The following SUGCT variants were observed in gnomAD, a reference collection of about 807,000 sequenced individuals.
SUGCT encodes succinyl-CoA:glutarate-CoA transferase, also known as succinyl-CoA:glutarate CoA-transferase.
A neutral mutation model predicts 55.0 loss-of-function variants in SUGCT; 41 were observed. The ratio of observed to expected loss-of-function variants is 0.74; its 90% CI spans 0.58 to 0.97. The LOEUF (loss-of-function observed/expected upper bound fraction) is 0.97. Among genes scored for constraint, SUGCT ranks in the 50% least tolerant of loss-of-function variants. The pLI, the probability that SUGCT is intolerant of heterozygous loss-of-function variation, is 0.00. For synonymous variants in SUGCT, 187 were observed against 200.4 expected, an observed-to-expected ratio of 0.93 and a Z score of 0.56; for missense variants, 568 against 547.8, an observed-to-expected ratio of 1.04 and a Z score of -0.37.
chr7:40,876,809 C>T, the SUGCT span, among the ~76,000 whole-genome samples: 4 of 152,160 alleles, frequency 2.6e-5, no homozygotes, highest in African/African-American at 7.2e-5. Flanking sequence ...CATCCCAGGG[C>T]TGCTGCTTAG....
chr7:40,480,747 T>C (rs907209730), intron 11 of SUGCT, among the ~76,000 whole-genome samples: 1 of 152,136 alleles, frequency 6.6e-6, no homozygotes, highest in African/African-American at 2.4e-5. Context: ...TTTTTCCCTA[T>C]TGTTTAATTT....
chr7:40,275,602 A>G (rs1286996440), intron 8 of SUGCT, among the ~76,000 whole-genome samples: 1 of 152,204 alleles, frequency 6.6e-6, no homozygotes. Flanking sequence ...ATCAAGTCAT[A>G]GGTACCACTA....
intron 6 of SUGCT, among the ~76,000 whole-genome samples, chr7:40,201,130 T>C (rs1786577423): frequency 6.6e-6 from 1 of 151,774 alleles, no homozygotes; most frequent in South Asian, 2.1e-4. Flanking sequence ...CATAGATGTT[T>C]TGAAGGTGAG....
intron 3 of SUGCT, 117 bp downstream of exon 3, chr7:40,182,145 A>G (rs1469674922): frequency 4.8e-6 from 3 of 625,104 alleles, no homozygotes; most frequent in Non-Finnish European, 8.4e-6. Context: ...ATTAAAATGA[A>G]ATGATTGTCT....
the SUGCT span, among the ~76,000 whole-genome samples, chr7:40,890,862 T>C: frequency 6.6e-6 from 1 of 152,034 alleles, no homozygotes; most frequent in African/African-American, 2.4e-5. Flanking sequence ...TTCAAACTAA[T>C]TGTCTTAAAG....
chr7:41,020,321 G>A, the SUGCT span, among the ~76,000 whole-genome samples: 194 of 152,310 alleles, frequency 1.3e-3, no homozygotes, highest in Admixed American at 2.4e-3. Context: ...GGCTCTGCAA[G>A]AGAACGCATT....
At chr7:40,584,451 T>G (rs1797266119) in intron 12 of SUGCT, among the ~76,000 whole-genome samples, 1 of 152,164 alleles carries the variant, frequency 6.6e-6, no homozygotes, top group Non-Finnish European at 1.5e-5. Flanking sequence ...AAAAATGTTC[T>G]TTTAGAAGTG....
At chr7:40,163,023 T>C (rs1036551198) in intron 1 of SUGCT, among the ~76,000 whole-genome samples, 1 of 152,246 alleles carries the variant, frequency 6.6e-6, no homozygotes, top group Non-Finnish European at 1.5e-5. Context: ...AGCTACACTA[T>C]TTGAAATTTG....
the SUGCT span, among the ~76,000 whole-genome samples, chr7:40,904,343 G>A: frequency 1.3e-5 from 2 of 152,144 alleles, no homozygotes; most frequent in African/African-American, 4.8e-5. Context: ...GCCAAGGCTT[G>A]GATTTTACAC....
chr7:40,633,165 A>G (rs950715304), intron 12 of SUGCT, among the ~76,000 whole-genome samples: 1 of 152,204 alleles, frequency 6.6e-6, no homozygotes, highest in African/African-American at 2.4e-5. Flanking sequence ...GGAATTGTGT[A>G]TATCTTACTC....
At chr7:41,020,802 A>T in the SUGCT span, among the ~76,000 whole-genome samples, 2 of 152,232 alleles carry the variant, frequency 1.3e-5, no homozygotes, top group Non-Finnish European at 2.9e-5. Context: ...AACAGTTTAT[A>T]AAACATATCT....
At chr7:40,858,219 C>T (rs898512315) in intron 13 of SUGCT, among the ~76,000 whole-genome samples, 42 of 151,870 alleles carry the variant, frequency 2.8e-4, no homozygotes, top group African/African-American at 8.0e-4. Flanking sequence ...GCCTGACCAA[C>T]GTGGAGAAAC....
intron 12 of SUGCT, among the ~76,000 whole-genome samples, chr7:40,667,428 A>G (rs1801703893): frequency 1.3e-5 from 2 of 152,032 alleles, no homozygotes; most frequent in African/African-American, 4.8e-5. Flanking sequence ...TGTCTTTGCC[A>G]GTGTTTGGTA....
At chr7:40,833,137 C>T (rs1436755482) in intron 13 of SUGCT, among the ~76,000 whole-genome samples, 6 of 151,928 alleles carry the variant, frequency 3.9e-5, no homozygotes, top group Admixed American at 2.0e-4. Flanking sequence ...CTGATCAGTA[C>T]TGTTTTTAAA....
chr7:40,936,293 T>G, the SUGCT span, among the ~76,000 whole-genome samples: 10 of 151,702 alleles, frequency 6.6e-5, no homozygotes, highest in Non-Finnish European at 1.2e-4. Context: ...CTTTTCAGAT[T>G]TTTCATTTCT....
At chr7:40,493,798 CAT>C (rs1325308408) in intron 11 of SUGCT, among the ~76,000 whole-genome samples, 1 of 152,102 alleles carries the variant, frequency 6.6e-6, no homozygotes, top group African/African-American at 2.4e-5. Context: ...TTAATAAAAA[CAT>C]GTGCTTACAG....
intron 13 of SUGCT, among the ~76,000 whole-genome samples, chr7:40,797,869 G>A (rs1158662017): frequency 6.6e-6 from 1 of 152,204 alleles, no homozygotes; most frequent in Admixed American, 6.5e-5. Flanking sequence ...TGGAATACAA[G>A]GACTTCTTTC....
the SUGCT span, among the ~76,000 whole-genome samples, chr7:40,922,629 A>G: frequency 6.6e-6 from 1 of 152,338 alleles, no homozygotes. Flanking sequence ...TCTTGAAAGA[A>G]TCCACTGGTA....
intron 12 of SUGCT, among the ~76,000 whole-genome samples, chr7:40,716,888 T>A (rs1786051870): frequency 6.6e-6 from 1 of 152,114 alleles, no homozygotes; most frequent in South Asian, 2.1e-4. Context: ...CTAGTCTAAC[T>A]GTGATATACC....
Sources: gnomAD v4.1 joint callset for allele counts (sites outside exome capture counted in the v4.1 genomes callset) on GRCh38, gnomAD v4.1.1 for gene constraint, MANE v1.5 for transcripts, NCBI Gene and HGNC (gene_info 2026-07-23, HGNC 2026-07-21) for gene names.